Variants in B4GALNT4 observed in about 807,000 individuals in gnomAD.
B4GALNT4 encodes beta-1,4-N-acetyl-galactosaminyltransferase 4.
Under a neutral mutation model 110.0 loss-of-function variants are expected in B4GALNT4, and 77 were observed. The ratio of observed to expected loss-of-function variants is 0.70; its 90% CI spans 0.58 to 0.85. The LOEUF (loss-of-function observed/expected upper bound fraction) is 0.85. B4GALNT4 is among the 40% of genes least tolerant of loss of function. The pLI, the probability that B4GALNT4 is intolerant of heterozygous loss-of-function variation, is 0.00. For missense variants in B4GALNT4, 1,575 were observed against 1,506.0 expected (o/e 1.05, Z -0.76); for synonymous variants, 785 against 655.5 (o/e 1.20, Z -3.02).
chr11:379,039 G>A (rs1846816650), intron 14 of B4GALNT4, among the ~76,000 whole-genome samples: 1 of 152,230 alleles, frequency 6.6e-6, no homozygotes, highest in African/African-American at 2.4e-5. Flanking sequence ...TAAGGTCCTA[G>A]AATGCCACAA....
chr11:369,641 G>A lies in B4GALNT4; in HGVS notation c.-163G>A, dbSNP rs1052588621. Among the ~76,000 whole-genome samples, 3 of 144,426 alleles carry A rather than the reference G, an allele frequency of 2.1e-5. No individual in the cohort carries two copies. Among genetic ancestry groups the A allele is most frequent in the Non-Finnish European group, 3.1e-5 (2 of 65,180 alleles). 94.7% of individuals were successfully genotyped at this position (144,426 alleles called of 152,430 possible). A position where few individuals can be genotyped will look rare whatever the true frequency, so the allele number is the denominator to read the frequency against. On this transcript the variant is annotated 5_prime_UTR_variant, in exon 1 of 20. Coordinates refer to ENST00000329962, the MANE Select transcript of B4GALNT4 (RefSeq NM_178537.5). The stretch of plus-strand genomic sequence containing the variant: ...CCGCGGCCGAGGGCGGCCTGGGGGG[G>A]TCGCGGCCGCACCCGGTGGCCGCGC...
chr11:373,662 AG>A, intron 7 of B4GALNT4, 87 bp from the exon 8 acceptor site: 1 of 1,535,240 alleles, frequency 6.5e-7, no homozygotes. Context: ...GCCAGCCCTG[AG>A]GGGTGTGGGA....
intron 14 of B4GALNT4, among the ~76,000 whole-genome samples, 179 bp downstream of exon 14, chr11:377,506 G>A (rs1322976872): frequency 2.0e-5 from 3 of 152,088 alleles, no homozygotes; most frequent in African/African-American, 7.2e-5. Flanking sequence ...CTTCCTTCCT[G>A]GCGTCCTGAC....
chr11:376,388 G>T (rs1196735413), intron 13 of B4GALNT4, 33 bp from the exon 14 acceptor site: 2 of 1,603,306 alleles, frequency 1.2e-6, no homozygotes, highest in South Asian at 2.2e-5. Context: ...GCACCCACCT[G>T]CGCAGGGAGC....
Position 372,712 on chromosome 11 carries a change from G to T in B4GALNT4, c.306G>T (p.Leu102=). The T allele has an allele frequency of 6.2e-7, 1 of 1,608,692 alleles. No homozygotes were observed. Among genetic ancestry groups the T allele is most frequent in the Non-Finnish European group, 8.5e-7 (1 of 1,178,752 alleles). ...TGTTTCCTGGGGGGGCTGGGAGGCT[G>T]CCACTGAACTTCACCCATCAGACAC... is the stretch of plus-strand genomic sequence containing the variant. ...DMLFPGGAGR[L]PLNFTHQTPP... Residue 102 remains leucine, a synonymous_variant, in exon 3 of 20, where the codon CTG becomes CTT. Coordinates refer to ENST00000329962, the MANE Select transcript of B4GALNT4 (RefSeq NM_178537.5).
rs118028728 is a variant in B4GALNT4 at position 375,701 on chromosome 11, G to A, written c.913G>A (p.Gly305Arg). ...CCCCCAGTCTCCAGCCAGCCACGTG[G>A]GGGGGCGTCCGCCGCAGGAGGAGAC... is the stretch of plus-strand genomic sequence containing the variant. ...HVPQSPASHV[G>R]GRPPQEETSA... Residue 305 changes from glycine to arginine, a missense_variant, in exon 10 of 20, where the codon GGG (glycine) becomes AGG (arginine). Gly to Arg is a moderately radical substitution (Grantham distance 125, BLOSUM62 -2). Transcript: ENST00000329962. 6.8e-4 allele frequency: 1,083 copies of A among 1,594,630 alleles called. 1 individual carries two copies. The highest frequency in any genetic ancestry group is 8.5e-4 in the Non-Finnish European group (1,000 of 1,175,142).
rs1590340624 is a variant in B4GALNT4, at chr11:376,883, C to T, written c.1760C>T (p.Pro587Leu). 5 of 1,349,398 alleles carry T rather than the reference C, an allele frequency of 3.7e-6. No homozygotes were observed. Among genetic ancestry groups the T allele is most frequent in the Non-Finnish European group, 2.8e-6 (3 of 1,053,466 alleles). 83.6% of individuals were successfully genotyped at this position (1,349,398 alleles called of 1,614,324 possible). A position where few individuals can be genotyped will look rare whatever the true frequency, so the allele number is the denominator to read the frequency against. Reference protein sequence around the residue: ...RRTGGPQATQPRPPARAQATQ... With the variant: ...RRTGGPQATQLRPPARAQATQ... ...ACCGGCGGCCCCCAGGCCACACAGCCGAGGCCCCCAGCCCGGGCGCAGGCC... is the reference window on the plus strand; with the variant it reads ...ACCGGCGGCCCCCAGGCCACACAGCTGAGGCCCCCAGCCCGGGCGCAGGCC... Residue 587 changes from proline to leucine, a missense_variant, in exon 14 of 20, where the codon CCG becomes CTG. Pro to Leu is a moderately conservative substitution (Grantham distance 98). Transcript: ENST00000329962.
chr11:373,628 G>C, intron 7 of B4GALNT4, 112 bp downstream of exon 7: 1 of 1,518,702 alleles, frequency 6.6e-7, no homozygotes, highest in Non-Finnish European at 9.1e-7. Context: ...GCACCCGCCC[G>C]GCCAAGCTGC....
rs199709870 is a variant in B4GALNT4 at position 375,415 on chromosome 11, C to G, written c.784-46C>G. The G allele has an allele frequency of 1.8e-4, 287 of 1,602,842 alleles. 1 individual carries two copies. The African/African-American group carries it at 3.6e-3, about 20-fold the overall frequency. The stretch of plus-strand genomic sequence containing the variant: ...CAGGGTAGACCCTTTCTTCCCTGGA[C>G]CCAGCCACCGCCCTGTCCCTGACCC... On this transcript the variant is annotated intron_variant, in intron 8 of 19. Transcript: ENST00000329962.
rs751338895 is a variant in B4GALNT4, at chr11:373,052, C to T, written c.471C>T (p.Ala157=). The part of the protein sequence containing the change: ...PHTRTTVKKL[A]VSPKWKNYGL... ...CGCGCACCACCGTGAAGAAGTTGGC[C>T]GTGTCCCCCAAGTGGAAGAACTATG... The change falls in exon 5 of 20, where the codon GCC becomes GCT. Residue 157 remains alanine (A), a synonymous_variant. Transcript: ENST00000329962. 43 of 1,612,504 alleles carry T rather than the reference C, an allele frequency of 2.7e-5. No individual in the cohort carries two copies. The highest frequency in any genetic ancestry group is 5.3e-5 in the African/African-American group (4 of 74,964).
chr11:378,565 C>T (rs2133577935), intron 14 of B4GALNT4, among the ~76,000 whole-genome samples: 1 of 152,252 alleles, frequency 6.6e-6, no homozygotes, highest in South Asian at 2.1e-4. Flanking sequence ...GGAGGGAGGC[C>T]TTGGACCCTC....
chr11:377,348 G>T, intron 14 of B4GALNT4, 21 bp downstream of exon 14: 1 of 1,480,094 alleles, frequency 6.8e-7, no homozygotes. Context: ...GGCCGAACGC[G>T]CGCCAGGGCG....
chr11:376,171 A>AGAGGTGGGCGC lies in B4GALNT4; in HGVS notation c.1195_1196+9dup, dbSNP rs1314433198. The stretch of plus-strand genomic sequence containing the variant: ...TACCGCGAGTCTCCGCTGTATCTGG[A>AGAGGTGGGCGC]GAGGTGGGCGCGCGGCCGGGCTAAT... On this transcript the variant is annotated frameshift_variant, in exon 12 of 20. Coordinates refer to ENST00000329962, the MANE Select transcript of B4GALNT4 (RefSeq NM_178537.5). LOFTEE classifies it high-confidence loss of function. 1 of 1,268,352 alleles carries AGAGGTGGGCGC rather than the reference A, an allele frequency of 7.9e-7. No homozygotes were observed. Among genetic ancestry groups the AGAGGTGGGCGC allele is most frequent in the Non-Finnish European group, 1.1e-6 (1 of 947,046 alleles). The allele number at this position is 1,268,352 out of a possible 1,614,324, so 78.6% of individuals were successfully genotyped here.
At chr11:372,577 G>C in intron 2 of B4GALNT4, 85 bp from the exon 3 acceptor site, 2 of 1,147,286 alleles carry the variant, frequency 1.7e-6, no homozygotes, top group Non-Finnish European at 2.6e-6. Context: ...ATGTTGGAAG[G>C]GGTCTTTGTG....
rs1236979805 is a variant in B4GALNT4 at position 380,922 on chromosome 11, G to A, written c.2967G>A (p.Trp989Ter). The A allele has an allele frequency of 6.2e-7, 1 of 1,613,420 alleles. No homozygotes were observed. Among genetic ancestry groups the A allele is most frequent in the Admixed American group, 1.7e-5 (1 of 59,958 alleles). ...ACACGGAGGAGTTCCGAGACCAGTG[G>A]GGGGGTGAAGACTGGGAGCTCCTGG... ...GMNTEEFRDQWGGEDWELLDR... is the reference protein window; with the variant it reads ...GMNTEEFRDQ Residue 989 changes from tryptophan to a stop codon, truncating the protein, a stop_gained, in exon 19 of 20, where the codon TGG becomes TGA. Transcript: ENST00000329962. LOFTEE classifies it high-confidence loss of function.
At chr11:372,308 C>A in intron 2 of B4GALNT4, 96 bp downstream of exon 2, 1 of 1,149,032 alleles carries the variant, frequency 8.7e-7, no homozygotes, top group Non-Finnish European at 1.3e-6. Flanking sequence ...TTCTGGAGGA[C>A]GCAGCAGGGG....
chr11:373,026 A>C lies in B4GALNT4; in HGVS notation c.445A>C (p.Thr149Pro). 1.2e-6 allele frequency: 2 copies of C among 1,612,456 alleles called. No individual in the cohort carries two copies. The highest frequency in any genetic ancestry group is 1.7e-6 in the Non-Finnish European group (2 of 1,179,862). The change falls in exon 5 of 20, where the codon ACG (threonine) becomes CCG (proline). Residue 149 changes from threonine to proline, a missense_variant and splice_region_variant. Physicochemically the swap from Thr to Pro is conservative, Grantham distance 38. Coordinates refer to ENST00000329962, the MANE Select transcript of B4GALNT4 (RefSeq NM_178537.5). Reference sequence around the variant, plus strand: ...ACAGCAACAGTCACTGCCCCCCCAGACGCGCACCACCGTGAAGAAGTTGGC... The same window carrying C: ...ACAGCAACAGTCACTGCCCCCCCAGCCGCGCACCACCGTGAAGAAGTTGGC... ...RNLHFPLFPH[T>P]RTTVKKLAVS...
Position 377,031 on chromosome 11 carries a change from G to C in B4GALNT4, c.1908G>C (p.Gly636=), listed in dbSNP as rs1019850048. The part of the protein sequence containing the change: ...TSFLSLSQVS[G]PQLPGEGEEE... ...TCCTGAGCTTGTCCCAGGTGTCCGG[G>C]CCGCAGCTGCCCGGGGAGGGCGAAG... Residue 636 remains glycine, a synonymous_variant, in exon 14 of 20, where the codon GGG becomes GGC. Coordinates refer to ENST00000329962, the MANE Select transcript of B4GALNT4 (RefSeq NM_178537.5). 2.3e-5 allele frequency: 33 copies of C among 1,439,302 alleles called. No individual in the cohort carries two copies. The highest frequency in any genetic ancestry group is 3.0e-5 in the Non-Finnish European group (33 of 1,098,466). 89.2% of individuals were successfully genotyped at this position (1,439,302 alleles called of 1,614,324 possible).
At position 372,543 on chromosome 11, in the gene B4GALNT4, G is replaced by A. The variant is rs540174071; in HGVS notation, c.256-119G>A. 1,396 of 899,944 alleles carry A rather than the reference G, an allele frequency of 1.6e-3. 5 individuals carry two copies. Among genetic ancestry groups the A allele is most frequent in the Non-Finnish European group, 2.0e-3 (1,089 of 557,648 alleles). 55.7% of individuals were successfully genotyped at this position (899,944 alleles called of 1,614,324 possible). On this transcript the variant is annotated intron_variant, in intron 2 of 19. Coordinates refer to ENST00000329962, the MANE Select transcript of B4GALNT4 (RefSeq NM_178537.5). ...CAGGGTTTGCATGGCTGGGGCTCAC[G>A]GGCATTTAGGGCTGTGTGGATACAT...
Sources: allele counts gnomAD v4.1 joint callset (sites outside exome capture counted in the v4.1 genomes callset), GRCh38; gene constraint gnomAD v4.1.1; transcripts MANE v1.5; gene names NCBI Gene and HGNC (gene_info 2026-07-23, HGNC 2026-07-21).